The following XRCC4 variants were observed in gnomAD, a reference collection of about 807,000 sequenced individuals.
XRCC4 encodes X-ray repair cross complementing 4.
Under a neutral mutation model 39.1 loss-of-function variants are expected in XRCC4, and 28 were observed. The ratio of observed to expected loss-of-function variants is 0.72; its 90% CI spans 0.53 to 0.98. The LOEUF (loss-of-function observed/expected upper bound fraction) is 0.98, where lower values mean the gene tolerates loss of function less well. Ranked by LOEUF, XRCC4 falls within the 50% of genes least tolerant of loss-of-function variation. The pLI is 0.00. For synonymous variants in XRCC4, 123 were observed against 126.4 expected (o/e 0.97, Z 0.18); for missense variants, 350 against 376.4 (o/e 0.93, Z 0.58).
the XRCC4 span, among the ~76,000 whole-genome samples, chr5:83,367,842 C>T: frequency 6.6e-6 from 1 of 151,674 alleles, no homozygotes; most frequent in Non-Finnish European, 1.5e-5. Flanking sequence ...ATCCACCCAC[C>T]TCGGCCTCCC....
downstream of XRCC4, among the ~76,000 whole-genome samples, chr5:83,358,111 AAC>A (rs1180284488): frequency 1.3e-5 from 2 of 151,478 alleles, no homozygotes; most frequent in African/African-American, 4.9e-5. Flanking sequence ...GCTTCTAATA[AAC>A]GCTTTTCGGG....
intron 1 of XRCC4, among the ~76,000 whole-genome samples, chr5:83,087,579 C>CT (rs906489801): frequency 1.3e-5 from 2 of 152,008 alleles, no homozygotes; most frequent in Admixed American, 1.3e-4. Flanking sequence ...AGGGGAATCA[C>CT]TTGAGCCTGA....
Position 83,279,223 on chromosome 5 carries a change from C to T in XRCC4, c.893+20546C>T, listed in dbSNP as rs1348242926. Among the ~76,000 whole-genome samples the T allele has an allele frequency of 5.3e-5, 8 of 151,578 alleles. No homozygotes were observed. The South Asian group carries it at 1.7e-3, about 31-fold the overall frequency. ...TCAACTTATCTTCATCTGTTGCCTG[C>T]TGTTGTAGACAAAATTTGACACACA... On this transcript the variant is annotated intron_variant, in intron 7 of 7. Coordinates refer to ENST00000396027, the MANE Select transcript of XRCC4 (RefSeq NM_003401.5).
Position 83,078,328 on chromosome 5 carries a change from T to C in XRCC4, c.-11+713T>C, listed in dbSNP as rs28383123. 5.2e-3 allele frequency among the ~76,000 whole-genome samples: 798 copies of C among 152,376 alleles called. 8 individuals carry two copies. Among genetic ancestry groups the C allele is most frequent in the African/African-American group, 0.018 (747 of 41,598 alleles). Reference sequence around the variant, plus strand: ...TGAATTTGCGTAGTTCTTGGAATTCTAATAAAGTATTAGAAATGAGAGTTT... The same window carrying C: ...TGAATTTGCGTAGTTCTTGGAATTCCAATAAAGTATTAGAAATGAGAGTTT... On this transcript the variant is annotated intron_variant, in intron 1 of 7. Coordinates refer to ENST00000396027, the MANE Select transcript of XRCC4 (RefSeq NM_003401.5).
At chr5:83,180,909 TTTTTG>T (rs1215777423) in intron 3 of XRCC4, among the ~76,000 whole-genome samples, 1 of 152,182 alleles carries the variant, frequency 6.6e-6, no homozygotes, top group Non-Finnish European at 1.5e-5. Flanking sequence ...ACACTATTTG[TTTTTG>T]TTTTGTTTTA....
intron 7 of XRCC4, among the ~76,000 whole-genome samples, chr5:83,275,487 G>A (rs1754296531): frequency 6.6e-6 from 1 of 151,790 alleles, no homozygotes; most frequent in African/African-American, 2.4e-5. Flanking sequence ...AGTAGAGACG[G>A]GGTTTCACCG....
intron 3 of XRCC4, among the ~76,000 whole-genome samples, chr5:83,164,689 T>G (rs1237220359): frequency 6.6e-6 from 1 of 152,150 alleles, no homozygotes; most frequent in Non-Finnish European, 1.5e-5. Context: ...ACAACTTAAA[T>G]GTATACAATT....
intron 1 of XRCC4, among the ~76,000 whole-genome samples, chr5:83,085,477 G>T (rs572266811): frequency 9.1e-6 from 1 of 109,550 alleles, no homozygotes; most frequent in East Asian, 2.0e-4. Context: ...AAATGTTTAT[G>T]ATTTTTTTTG....
At chr5:83,212,929 A>AG (rs1210941710) in intron 6 of XRCC4, among the ~76,000 whole-genome samples, 1 of 150,270 alleles carries the variant, frequency 6.7e-6, no homozygotes, top group East Asian at 2.1e-4. Context: ...TCCATCTAAA[A>AG]AAAAAAAAAA....
At position 83,201,375 on chromosome 5, in the gene XRCC4, A is replaced by G. The variant is rs1359605044; in HGVS notation, c.483-2177A>G. On this transcript the variant is annotated intron_variant, in intron 4 of 7. Transcript: ENST00000396027. ...CCCACTGCATTGCCCGGTGCCTTGT[A>G]TCTGGACCCACTGGCCCCTAGTAAA... is the stretch of plus-strand genomic sequence containing the variant. The G allele has an allele frequency of 2.0e-5, 3 of 152,410 alleles. No individual in the cohort carries two copies. In the East Asian group the frequency reaches 5.8e-4, roughly 29 times the overall value. The allele number at this position is 152,410 out of a possible 1,614,324, so 9.4% of individuals were successfully genotyped here.
At chr5:83,268,425 A>G (rs898795043) in intron 7 of XRCC4, among the ~76,000 whole-genome samples, 1 of 152,178 alleles carries the variant, frequency 6.6e-6, no homozygotes. Flanking sequence ...CTACTCAAAT[A>G]TATATATTGT....
At chr5:83,342,068 AGTAGCAAAT>A (rs1580531756) in intron 7 of XRCC4, among the ~76,000 whole-genome samples, 1 of 152,236 alleles carries the variant, frequency 6.6e-6, no homozygotes, top group Non-Finnish European at 1.5e-5. Flanking sequence ...ATAGATCAAC[AGTAGCAAAT>A]GTCACCTATG....
chr5:83,139,303 C>A (rs1446802668), intron 3 of XRCC4, among the ~76,000 whole-genome samples: 2 of 152,114 alleles, frequency 1.3e-5, no homozygotes, highest in Non-Finnish European at 2.9e-5. Flanking sequence ...ACATTTTTGA[C>A]AAGAATACCA....
At chr5:83,170,101 A>G (rs1251624295) in intron 3 of XRCC4, among the ~76,000 whole-genome samples, 2 of 152,166 alleles carry the variant, frequency 1.3e-5, no homozygotes, top group Admixed American at 1.3e-4. Flanking sequence ...AGAATACCTT[A>G]TGAAGGCATT....
At chr5:83,299,795 T>TATC (rs1755213272) in intron 7 of XRCC4, among the ~76,000 whole-genome samples, 2 of 152,174 alleles carry the variant, frequency 1.3e-5, no homozygotes, top group African/African-American at 4.8e-5. Context: ...ATTTTAAGCT[T>TATC]ATCTTTTATT....
intron 3 of XRCC4, among the ~76,000 whole-genome samples, chr5:83,180,290 G>C (rs1432279875): frequency 6.6e-6 from 1 of 152,144 alleles, no homozygotes; most frequent in Non-Finnish European, 1.5e-5. Flanking sequence ...TAGTATAGGA[G>C]AGAGTATTGT....
chr5:83,183,728 A>AC (rs538915832), intron 3 of XRCC4, among the ~76,000 whole-genome samples: 84 of 152,254 alleles, frequency 5.5e-4, no homozygotes, highest in Admixed American at 5.0e-3. Flanking sequence ...CTGAACTGGA[A>AC]CTACCTCATT....
chr5:83,169,037 A>C (rs1300233969), intron 3 of XRCC4, among the ~76,000 whole-genome samples: 1 of 152,258 alleles, frequency 6.6e-6, no homozygotes, highest in South Asian at 2.1e-4. Flanking sequence ...GGATGAATTC[A>C]AGGGAGCTGT....
intron 3 of XRCC4, among the ~76,000 whole-genome samples, chr5:83,163,264 A>G (rs1366789844): frequency 6.6e-6 from 1 of 152,118 alleles, no homozygotes; most frequent in Non-Finnish European, 1.5e-5. Context: ...GCTTATTTTC[A>G]AGAACTGTCA....
Sources: gnomAD v4.1 joint callset for allele counts (sites outside exome capture counted in the v4.1 genomes callset) on GRCh38, gnomAD v4.1.1 for gene constraint, MANE v1.5 for transcripts, NCBI Gene and HGNC (gene_info 2026-07-23, HGNC 2026-07-21) for gene names.